PTPRD: variants seen among roughly 807,000 people sequenced by gnomAD.
The protein encoded by PTPRD is protein tyrosine phosphatase receptor type D, also known as receptor-type tyrosine-protein phosphatase delta.
PTPRD carries 34 observed loss-of-function variants against 214.5 expected under a neutral mutation model. That is an observed-to-expected ratio of 0.16 (90% CI 0.12 to 0.21). The LOEUF is 0.21. PTPRD is among the 10% of genes least tolerant of loss of function. PTPRD has a pLI of 1.00. For synonymous variants in PTPRD, 1,128 were observed against 845.7 expected, an observed-to-expected ratio of 1.33 and a Z score of -5.79; for missense variants, 2,545 against 2,398.7, an observed-to-expected ratio of 1.06 and a Z score of -1.27.
intron 2 of PTPRD, among the ~76,000 whole-genome samples, chr9:10,556,728 G>A (rs958195178): frequency 2.0e-5 from 3 of 152,022 alleles, no homozygotes; most frequent in African/African-American, 7.2e-5. Flanking sequence ...TTAACAACAG[G>A]TGTGGGCAGA....
At chr9:10,341,835 T>C (rs1444376513) in intron 2 of PTPRD, among the ~76,000 whole-genome samples, 1 of 151,190 alleles carries the variant, frequency 6.6e-6, no homozygotes, top group Non-Finnish European at 1.5e-5. Flanking sequence ...ATATTAATTC[T>C]TTTTTCCCCT....
intron 4 of PTPRD, among the ~76,000 whole-genome samples, chr9:9,986,180 A>C (rs2095704020): frequency 1.3e-5 from 2 of 152,164 alleles, no homozygotes; most frequent in African/African-American, 4.8e-5. Flanking sequence ...ATTGGTACAA[A>C]GTTCTGTAGA....
intron 17 of PTPRD, among the ~76,000 whole-genome samples, chr9:8,525,440 CA>C (rs1289623428): frequency 2.7e-5 from 4 of 150,938 alleles, no homozygotes; most frequent in East Asian, 3.9e-4. Flanking sequence ...TAGGTACGCT[CA>C]AAAAAAACCA....
At chr9:9,914,009 A>C (rs2079967792) in intron 5 of PTPRD, among the ~76,000 whole-genome samples, 1 of 152,158 alleles carries the variant, frequency 6.6e-6, no homozygotes, top group African/African-American at 2.4e-5. Context: ...TGGGCCTAGG[A>C]TCAGCTGTGA....
chr9:9,061,860 T>A (rs1478113467), intron 10 of PTPRD, among the ~76,000 whole-genome samples: 1 of 152,070 alleles, frequency 6.6e-6, no homozygotes, highest in Non-Finnish European at 1.5e-5. Context: ...TGCTCCCAGT[T>A]GTCAAACTCA....
intron 11 of PTPRD, among the ~76,000 whole-genome samples, chr9:8,960,569 A>C (rs2099153666): frequency 6.6e-6 from 1 of 152,122 alleles, no homozygotes; most frequent in Non-Finnish European, 1.5e-5. Flanking sequence ...AACAGAGCTG[A>C]AGATCAAATA....
At chr9:9,749,107 A>T (rs2098487474) in intron 6 of PTPRD, among the ~76,000 whole-genome samples, 1 of 151,948 alleles carries the variant, frequency 6.6e-6, no homozygotes, top group Non-Finnish European at 1.5e-5. Context: ...TACTCCTCTG[A>T]TTCTAAAGTT....
At chr9:9,034,155 A>C (rs148333308) in intron 10 of PTPRD, among the ~76,000 whole-genome samples, 37 of 152,276 alleles carry the variant, frequency 2.4e-4, no homozygotes, top group African/African-American at 8.9e-4. Flanking sequence ...TGCACAGTGC[A>C]CCAGATTTGG....
intron 11 of PTPRD, among the ~76,000 whole-genome samples, chr9:8,937,309 T>C (rs2099004371): frequency 1.3e-5 from 2 of 152,250 alleles, no homozygotes; most frequent in African/African-American, 4.8e-5. Flanking sequence ...TACAGAGAAA[T>C]GTTTAATTTC....
At chr9:9,602,329 T>C (rs150347563) in intron 7 of PTPRD, among the ~76,000 whole-genome samples, 5 of 152,212 alleles carry the variant, frequency 3.3e-5, no homozygotes, top group South Asian at 2.1e-4. Flanking sequence ...TGGAAATATT[T>C]AATATAATAA....
At chr9:10,426,398 A>AT (rs1310712420) in intron 2 of PTPRD, among the ~76,000 whole-genome samples, 1 of 151,918 alleles carries the variant, frequency 6.6e-6, no homozygotes, top group East Asian at 1.9e-4. Flanking sequence ...AAGCCCAAAA[A>AT]TTTTCGAAGG....
At chr9:8,377,235 G>GAACA (rs983790012) in intron 37 of PTPRD, among the ~76,000 whole-genome samples, 1 of 151,092 alleles carries the variant, frequency 6.6e-6, no homozygotes, top group Non-Finnish European at 1.5e-5. Context: ...CTTTTTTTTT[G>GAACA]AACACAAGAT....
At chr9:8,503,943 A>G (rs1349287592) in intron 23 of PTPRD, among the ~76,000 whole-genome samples, 2 of 152,168 alleles carry the variant, frequency 1.3e-5, no homozygotes, top group African/African-American at 2.4e-5. Flanking sequence ...CTCAATGTGA[A>G]TTTTGCTTTA....
At chr9:9,702,501 T>C (rs1191342037) in intron 7 of PTPRD, among the ~76,000 whole-genome samples, 3 of 152,180 alleles carry the variant, frequency 2.0e-5, no homozygotes, top group South Asian at 2.1e-4. Context: ...AAGAGAGTAA[T>C]TGTGTTATTA....
At chr9:9,937,394 C>T (rs1462814989) in intron 5 of PTPRD, among the ~76,000 whole-genome samples, 1 of 148,112 alleles carries the variant, frequency 6.8e-6, no homozygotes, top group African/African-American at 2.5e-5. Context: ...TATTTTTTCT[C>T]AAGCATGTGT....
intron 4 of PTPRD, among the ~76,000 whole-genome samples, chr9:9,945,265 C>T (rs10759112): frequency 7.3e-5 from 11 of 151,560 alleles, no homozygotes; most frequent in African/African-American, 2.2e-4. Context: ...CCTGAGATTA[C>T]GGAGAAAATA....
At chr9:8,863,729 G>A (rs2098146463) in intron 11 of PTPRD, among the ~76,000 whole-genome samples, 1 of 151,998 alleles carries the variant, frequency 6.6e-6, no homozygotes, top group African/African-American at 2.4e-5. Context: ...AGTTATATGA[G>A]GTATAAACAC....
At chr9:9,898,215 A>G (rs1250798201) in intron 5 of PTPRD, among the ~76,000 whole-genome samples, 1 of 152,146 alleles carries the variant, frequency 6.6e-6, no homozygotes, top group Non-Finnish European at 1.5e-5. Context: ...AGAAATATAG[A>G]GGTCTATATC....
At chr9:9,371,238 G>A (rs920362451) in intron 9 of PTPRD, among the ~76,000 whole-genome samples, 95 of 151,992 alleles carry the variant, frequency 6.3e-4, no homozygotes, top group Admixed American at 6.1e-3. Context: ...AATCCATCTG[G>A]TCCTGGACTT....
Sources: gnomAD v4.1 joint callset for allele counts (sites outside exome capture counted in the v4.1 genomes callset) on GRCh38, gnomAD v4.1.1 for gene constraint, MANE v1.5 for transcripts, NCBI Gene and HGNC (gene_info 2026-07-23, HGNC 2026-07-21) for gene names.